The following GPC6 variants were observed in gnomAD, a reference collection of about 807,000 sequenced individuals.
GPC6 encodes glypican 6, also known as glypican-6.
A neutral mutation model predicts 55.2 loss-of-function variants in GPC6; 14 were observed. The observed-to-expected ratio is 0.25, with a 90% CI of 0.17 to 0.40. GPC6 has a LOEUF of 0.40. Among genes scored for constraint, GPC6 ranks in the 10% least tolerant of loss-of-function variants. The pLI is 1.00. For missense variants in GPC6, 641 were observed against 708.5 expected (o/e 0.90, Z 1.08); for synonymous variants, 278 against 259.6 (o/e 1.07, Z -0.68).
intron 3 of GPC6, among the ~76,000 whole-genome samples, chr13:93,956,553 A>G (rs1879514084): frequency 6.6e-6 from 1 of 152,226 alleles, no homozygotes; most frequent in African/African-American, 2.4e-5. Flanking sequence ...GAGGATTAGT[A>G]TGTGCAGGCA....
intron 6 of GPC6, among the ~76,000 whole-genome samples, chr13:94,373,416 T>C (rs1410719933): frequency 1.3e-5 from 2 of 151,810 alleles, no homozygotes; most frequent in African/African-American, 4.8e-5. Flanking sequence ...ACGTGAAAAA[T>C]GCAGAAGCCT....
chr13:94,298,064 G>T (rs575324911), intron 5 of GPC6, among the ~76,000 whole-genome samples: 1 of 151,960 alleles, frequency 6.6e-6, no homozygotes, highest in African/African-American at 2.4e-5. Flanking sequence ...CATTTAAAAT[G>T]CCTTTGTAGT....
At chr13:93,605,233 A>G (rs1482350182) in intron 2 of GPC6, among the ~76,000 whole-genome samples, 3 of 152,208 alleles carry the variant, frequency 2.0e-5, no homozygotes, top group African/African-American at 2.4e-5. Context: ...GTTTCCTGAT[A>G]CCATATTAAT....
At chr13:93,751,352 A>C (rs1294518082) in intron 2 of GPC6, among the ~76,000 whole-genome samples, 1 of 151,842 alleles carries the variant, frequency 6.6e-6, no homozygotes, top group Non-Finnish European at 1.5e-5. Flanking sequence ...TAAAGTTCTG[A>C]GAATACATTA....
intron 4 of GPC6, among the ~76,000 whole-genome samples, chr13:94,045,584 C>A (rs1338460564): frequency 6.6e-6 from 1 of 151,670 alleles, no homozygotes; most frequent in African/African-American, 2.4e-5. Context: ...AAGGTAGAAC[C>A]CATTAGGGAA....
chr13:94,025,085 A>C (rs960462742), intron 3 of GPC6, among the ~76,000 whole-genome samples: 4 of 152,242 alleles, frequency 2.6e-5, no homozygotes, highest in African/African-American at 9.6e-5. Context: ...CAATATTGGC[A>C]AATGCTCTAG....
intron 2 of GPC6, among the ~76,000 whole-genome samples, chr13:93,586,120 A>T (rs1877187528): frequency 6.6e-6 from 1 of 151,876 alleles, no homozygotes; most frequent in African/African-American, 2.4e-5. Flanking sequence ...CCTGATCTTT[A>T]CCCTCCAAAA....
At chr13:93,662,486 C>T (rs1880963955) in intron 2 of GPC6, among the ~76,000 whole-genome samples, 1 of 151,984 alleles carries the variant, frequency 6.6e-6, no homozygotes, top group Admixed American at 6.5e-5. Context: ...CAAAAAGTAG[C>T]TGGGTGTGGT....
At chr13:94,237,144 G>A (rs1018912508) in intron 4 of GPC6, among the ~76,000 whole-genome samples, 3 of 152,076 alleles carry the variant, frequency 2.0e-5, no homozygotes, top group Non-Finnish European at 2.9e-5. Flanking sequence ...GCTGCAGAGG[G>A]GCAGGACAAG....
chr13:93,310,852 T>C (rs1340787736), intron 1 of GPC6, among the ~76,000 whole-genome samples: 1 of 152,226 alleles, frequency 6.6e-6, no homozygotes, highest in Non-Finnish European at 1.5e-5. Context: ...ATCATATCTG[T>C]CTTCTCATCT....
intron 5 of GPC6, among the ~76,000 whole-genome samples, chr13:94,302,607 T>A (rs1416866978): frequency 6.6e-6 from 1 of 152,260 alleles, no homozygotes; most frequent in East Asian, 1.9e-4. Context: ...AAAGTTTTTT[T>A]ATCATTTCTA....
At chr13:94,030,225 G>A (rs554331015) in intron 4 of GPC6, among the ~76,000 whole-genome samples, 46 of 152,148 alleles carry the variant, frequency 3.0e-4, no homozygotes, top group African/African-American at 1.1e-3. Context: ...TAGCCAGGAT[G>A]GTCTCGATTT....
chr13:93,423,927 C>T (rs1044083831), intron 1 of GPC6, among the ~76,000 whole-genome samples: 3 of 152,094 alleles, frequency 2.0e-5, no homozygotes, highest in Admixed American at 6.6e-5. Flanking sequence ...CTGTGACCAC[C>T]GAGACACTTG....
chr13:93,525,365 T>A (rs1216831491), intron 1 of GPC6, among the ~76,000 whole-genome samples: 1 of 152,070 alleles, frequency 6.6e-6, no homozygotes, highest in African/African-American at 2.4e-5. Flanking sequence ...CAAAATGTGC[T>A]ATCAAAACCC....
At chr13:93,875,475 G>A (rs1227025367) in intron 3 of GPC6, among the ~76,000 whole-genome samples, 1 of 152,024 alleles carries the variant, frequency 6.6e-6, no homozygotes, top group African/African-American at 2.4e-5. Flanking sequence ...ATCCAGAGGT[G>A]TGTAAAATTG....
intron 3 of GPC6, among the ~76,000 whole-genome samples, chr13:93,839,201 A>G (rs770896954): frequency 6.6e-6 from 1 of 152,136 alleles, no homozygotes; most frequent in Non-Finnish European, 1.5e-5. Context: ...TTGGTTGGGA[A>G]GTTAACTTAT....
At chr13:93,899,031 T>TTCTAGTTTA (rs1200466813) in intron 3 of GPC6, among the ~76,000 whole-genome samples, 1 of 150,646 alleles carries the variant, frequency 6.6e-6, no homozygotes, top group Non-Finnish European at 1.5e-5. Context: ...AATACCCATC[T>TTCTAGTTTA]TCTAGTTTAT....
intron 1 of GPC6, among the ~76,000 whole-genome samples, chr13:93,464,422 A>G (rs7323827): frequency 0.28 from 43,281 of 152,118 alleles, 6,276 homozygotes; most frequent in Non-Finnish European, 0.32. Flanking sequence ...CAACTCAGTT[A>G]TGTAATGTTC....
At chr13:93,890,373 G>A (rs1370772708) in intron 3 of GPC6, among the ~76,000 whole-genome samples, 1 of 152,016 alleles carries the variant, frequency 6.6e-6, no homozygotes, top group African/African-American at 2.4e-5. Context: ...CTCTCTTGAG[G>A]GACTTCTGCA....
Sources: allele counts gnomAD v4.1 joint callset (sites outside exome capture counted in the v4.1 genomes callset), GRCh38; gene constraint gnomAD v4.1.1; transcripts MANE v1.5; gene names NCBI Gene and HGNC (gene_info 2026-07-23, HGNC 2026-07-21).